ADARB2: variants seen among roughly 807,000 people sequenced by gnomAD.
ADARB2 encodes the protein adenosine deaminase RNA specific B2 (inactive), also known as inactive double-stranded RNA-specific editase B2.
In ADARB2, 25 loss-of-function variants were observed where a neutral mutation model predicts 62.2. The ratio of observed to expected loss-of-function variants is 0.40; its 90% CI spans 0.29 to 0.56. ADARB2 has a LOEUF of 0.56. ADARB2 is among the 20% of genes least tolerant of loss of function. ADARB2 has a pLI of 0.43. For missense variants in ADARB2, 1,071 were observed against 1,077.4 expected (o/e 0.99, Z 0.08); for synonymous variants, 572 against 500.8 (o/e 1.14, Z -1.90).
intron 8 of ADARB2, among the ~76,000 whole-genome samples, chr10:1,195,548 AG>A (rs1836898716): frequency 6.6e-6 from 1 of 152,118 alleles, no homozygotes; most frequent in South Asian, 2.1e-4. Flanking sequence ...TTCATGCCAG[AG>A]AAAGCTCAGA....
chr10:1,691,638 G>A (rs559172060), intron 1 of ADARB2, among the ~76,000 whole-genome samples: 15 of 152,252 alleles, frequency 9.9e-5, no homozygotes, highest in African/African-American at 3.4e-4. Context: ...CCAACTTCAC[G>A]TACTTTTCCT....
chr10:1,538,620 A>T (rs917869663), intron 1 of ADARB2, among the ~76,000 whole-genome samples: 3 of 152,212 alleles, frequency 2.0e-5, no homozygotes, highest in African/African-American at 7.2e-5. Flanking sequence ...GATGGGCATC[A>T]CGTGGTGGAC....
At chr10:1,554,481 C>T (rs998113406) in intron 1 of ADARB2, among the ~76,000 whole-genome samples, 1 of 152,188 alleles carries the variant, frequency 6.6e-6, no homozygotes, top group Non-Finnish European at 1.5e-5. Flanking sequence ...GCCCCGGTCT[C>T]CACTGTCCCC....
intron 1 of ADARB2, among the ~76,000 whole-genome samples, chr10:1,578,519 C>T (rs1280160443): frequency 1.3e-5 from 2 of 152,316 alleles, no homozygotes; most frequent in East Asian, 3.9e-4. Context: ...GGCAGCCCCG[C>T]CTGTGAGTGC....
chr10:1,388,967 A>T (rs547378450), intron 1 of ADARB2, among the ~76,000 whole-genome samples: 3 of 152,260 alleles, frequency 2.0e-5, no homozygotes, highest in Admixed American at 6.5e-5. Flanking sequence ...CCAGTGGAAC[A>T]AAAGGGGAAG....
At chr10:1,183,711 G>A (rs1007620417) in intron 9 of ADARB2, among the ~76,000 whole-genome samples, 3 of 152,212 alleles carry the variant, frequency 2.0e-5, no homozygotes, top group Non-Finnish European at 4.4e-5. Context: ...AGGCTGGTGA[G>A]AGTCATGTTG....
chr10:1,580,416 C>T (rs1170884750), intron 1 of ADARB2, among the ~76,000 whole-genome samples: 1 of 151,374 alleles, frequency 6.6e-6, no homozygotes, highest in Non-Finnish European at 1.5e-5. Flanking sequence ...TGCCATATTT[C>T]TAAAATTGTG....
At chr10:1,562,763 C>T (rs1407622726) in intron 1 of ADARB2, among the ~76,000 whole-genome samples, 5 of 152,244 alleles carry the variant, frequency 3.3e-5, no homozygotes. Context: ...CTTTGCCTCA[C>T]GTTCTTCAGT....
chr10:1,347,527 C>CT (rs1832091639), intron 3 of ADARB2, among the ~76,000 whole-genome samples: 1 of 152,246 alleles, frequency 6.6e-6, no homozygotes, highest in Non-Finnish European at 1.5e-5. Context: ...TCACCACCTT[C>CT]TCCAGGGCTG....
At chr10:1,232,272 G>A (rs927656919) in intron 6 of ADARB2, among the ~76,000 whole-genome samples, 9 of 152,142 alleles carry the variant, frequency 5.9e-5, no homozygotes, top group Non-Finnish European at 8.8e-5. Flanking sequence ...AAGGGTGTGG[G>A]AGCATGTGAA....
intron 1 of ADARB2, among the ~76,000 whole-genome samples, chr10:1,453,408 T>C (rs1488958630): frequency 1.3e-5 from 2 of 152,214 alleles, no homozygotes; most frequent in South Asian, 4.1e-4. Flanking sequence ...TACATTTAGA[T>C]CTTTGATCCA....
At chr10:1,546,160 T>G (rs761511796) in intron 1 of ADARB2, among the ~76,000 whole-genome samples, 21 of 152,138 alleles carry the variant, frequency 1.4e-4, no homozygotes, top group Admixed American at 2.0e-4. Flanking sequence ...CTGGTTCCTG[T>G]TTTCCCACAC....
At chr10:1,727,810 T>C (rs747694970) in intron 1 of ADARB2, among the ~76,000 whole-genome samples, 7 of 152,190 alleles carry the variant, frequency 4.6e-5, no homozygotes, top group Non-Finnish European at 1.0e-4. Flanking sequence ...CGTCCACTCC[T>C]TTTGCTCATG....
At chr10:1,400,035 G>A (rs745459873) in intron 1 of ADARB2, among the ~76,000 whole-genome samples, 32 of 152,352 alleles carry the variant, frequency 2.1e-4, no homozygotes, top group African/African-American at 7.7e-4. Context: ...CAAACGTGAG[G>A]AGCGAGAATT....
chr10:1,381,691 T>C (rs1487240916), intron 1 of ADARB2, among the ~76,000 whole-genome samples: 3 of 152,162 alleles, frequency 2.0e-5, no homozygotes, highest in Non-Finnish European at 2.9e-5. Flanking sequence ...TTGCAACCAG[T>C]GTGCATGAAA....
chr10:1,227,804 T>A (rs940433684), intron 6 of ADARB2, among the ~76,000 whole-genome samples: 13 of 152,158 alleles, frequency 8.5e-5, no homozygotes, highest in African/African-American at 3.1e-4. Context: ...AAATTTTAGA[T>A]TTTCAAACTG....
Position 1,271,017 on chromosome 10 carries a change from G to T in ADARB2, c.1130C>A (p.Thr377Lys). 6.2e-7 allele frequency: 1 copy of T among 1,613,844 alleles called. No individual in the cohort carries two copies. The highest frequency in any genetic ancestry group is 2.2e-5 in the East Asian group (1 of 44,862). ...GGCGTGCATGGGCGTGAGGTCCGTC[G>T]TCACCTCGCGGAACTTCTGTGTGAC... ...QLVTQKFREV[T>K]TDLTPMHARH... Residue 377 changes from threonine to lysine, a missense_variant, in exon 4 of 10, where the codon ACG becomes AAG. Physicochemically the swap from Thr to Lys is moderately conservative, Grantham distance 78. Transcript: ENST00000381312.
intron 3 of ADARB2, among the ~76,000 whole-genome samples, chr10:1,326,657 T>C (rs542070110): frequency 4.0e-5 from 6 of 148,512 alleles, no homozygotes; most frequent in Admixed American, 2.0e-4. Flanking sequence ...AGCACAAGAA[T>C]GTTAAACCCA....
intron 1 of ADARB2, among the ~76,000 whole-genome samples, chr10:1,561,103 T>C (rs1280209104): frequency 6.6e-6 from 1 of 152,186 alleles, no homozygotes; most frequent in East Asian, 1.9e-4. Context: ...AATAATAAAT[T>C]TTATCATCCC....
Sources: gnomAD v4.1 joint callset for allele counts (sites outside exome capture counted in the v4.1 genomes callset) on GRCh38, gnomAD v4.1.1 for gene constraint, MANE v1.5 for transcripts, NCBI Gene and HGNC (gene_info 2026-07-23, HGNC 2026-07-21) for gene names.